TEX48: variants seen among roughly 807,000 people sequenced by gnomAD.
TEX48 encodes the protein testis expressed 48, also known as testis-expressed protein 48.
TEX48 carries 10 observed loss-of-function variants against 13.2 expected under a neutral mutation model. The ratio of observed to expected loss-of-function variants is 0.75; its 90% CI spans 0.47 to 1.28. The LOEUF is 1.28. Ranked by LOEUF, TEX48 falls within the 50% of genes most tolerant of loss-of-function variation. The pLI is 0.00. For missense variants in TEX48, 116 were observed against 139.4 expected, an observed-to-expected ratio of 0.83 and a Z score of 0.84; for synonymous variants, 45 against 52.3, an observed-to-expected ratio of 0.86 and a Z score of 0.60.
Position 114,671,642 on chromosome 9 carries a change from A to G in TEX48, c.4+78T>C, listed in dbSNP as rs572972672. 7.8e-6 allele frequency: 12 copies of G among 1,533,184 alleles called. No homozygotes were observed. The African/African-American group carries it at 1.5e-4, about 19-fold the overall frequency. 95.0% of individuals were successfully genotyped at this position (1,533,184 alleles called of 1,614,324 possible). A position where few individuals can be genotyped will look rare whatever the true frequency, so the allele number is the denominator to read the frequency against. On this transcript the variant is annotated intron_variant, in intron 2 of 4. Transcript: ENST00000436752. The stretch of plus-strand genomic sequence containing the variant: ...AATATAATACTCCTCCCCTCTCCCA[A>G]ATCTTCTGTAGCTTCCCATGGCCAG...
At chr9:114,681,768 C>A (rs1345046836) in intron 1 of TEX48, among the ~76,000 whole-genome samples, 1 of 134,876 alleles carries the variant, frequency 7.4e-6, no homozygotes, top group African/African-American at 2.8e-5. Flanking sequence ...CTAGTGACCC[C>A]ATTGCACTTT....
intron 1 of TEX48, among the ~76,000 whole-genome samples, chr9:114,676,620 C>CT (rs112453573): frequency 0.6 from 86,628 of 143,950 alleles, 25,979 homozygotes; most frequent in Admixed American, 0.67. Context: ...ATTTTATTCA[C>CT]TTTTTTTTTT....
At chr9:114,669,145 A>G (rs1382085962) in intron 3 of TEX48, among the ~76,000 whole-genome samples, 1 of 152,060 alleles carries the variant, frequency 6.6e-6, no homozygotes, top group Non-Finnish European at 1.5e-5. Flanking sequence ...CCAGCCCTGC[A>G]TTTGACTTTA....
chr9:114,666,600 C>G lies in TEX48; in HGVS notation c.*43G>C. The G allele has an allele frequency of 8.5e-7, 1 of 1,175,988 alleles. No individual in the cohort carries two copies. Among genetic ancestry groups the G allele is most frequent in the Non-Finnish European group, 1.2e-6 (1 of 839,122 alleles). The allele number at this position is 1,175,988 out of a possible 1,614,324, so 72.8% of individuals were successfully genotyped here. Reference sequence around the variant, plus strand: ...GACTCCTGTCCACCGCCCTCTTCCTCATGGAGATGCCCCAGCAGCTGTGCA... The same window carrying G: ...GACTCCTGTCCACCGCCCTCTTCCTGATGGAGATGCCCCAGCAGCTGTGCA... On this transcript the variant is annotated 3_prime_UTR_variant, in exon 5 of 5. Coordinates refer to ENST00000436752, the MANE Select transcript of TEX48 (RefSeq NM_001199233.2).
chr9:114,668,237 CT>C lies in TEX48; in HGVS notation c.227del (p.Lys76ArgfsTer13). 6.5e-7 allele frequency: 1 copy of C among 1,535,634 alleles called. No homozygotes were observed. The highest frequency in any genetic ancestry group is 8.7e-7 in the Non-Finnish European group (1 of 1,146,866). On this transcript the variant is annotated frameshift_variant, in exon 4 of 5. Coordinates refer to ENST00000436752, the MANE Select transcript of TEX48 (RefSeq NM_001199233.2). LOFTEE classifies it low-confidence loss of function (END_TRUNC). ...PSRTPLIQTK[K>X]STSSSSSEFE... ...ACTCACTGCTGCTGGAGGAAGTGCT[CT>C]TTTTTGTCTGGATCAGGGGTGTTCT... is the stretch of plus-strand genomic sequence containing the variant.
intron 4 of TEX48, among the ~76,000 whole-genome samples, chr9:114,667,065 C>G (rs1827854771): frequency 6.6e-6 from 1 of 152,174 alleles, no homozygotes; most frequent in Admixed American, 6.5e-5. Flanking sequence ...CGTGGGAAGT[C>G]CCTTTCCCTC....
intron 1 of TEX48, among the ~76,000 whole-genome samples, 161 bp downstream of exon 1, chr9:114,681,874 C>CAG (rs138378785): frequency 2.6e-5 from 4 of 151,578 alleles, no homozygotes; most frequent in Non-Finnish European, 5.9e-5. Flanking sequence ...GACTGGGACC[C>CAG]AGAGAGAGAG....
Position 114,667,605 on chromosome 9 carries a change from T to C in TEX48, c.259+601A>G, listed in dbSNP as rs376508022. On this transcript the variant is annotated intron_variant, in intron 4 of 4. Transcript: ENST00000436752. ...CAAGTAAGCATATGAAAAATACACG[T>C]GTAAGATGATGCCGCCAGGTGCGGT... 6.6e-5 allele frequency among the ~76,000 whole-genome samples: 10 copies of C among 152,222 alleles called. No individual in the cohort carries two copies. The East Asian group carries it at 1.2e-3, about 18-fold the overall frequency.
Position 114,668,315 on chromosome 9 carries a change from C to T in TEX48, c.150G>A (p.Glu50=), listed in dbSNP as rs1452914024. 8 of 1,535,554 alleles carry T rather than the reference C, an allele frequency of 5.2e-6. No individual in the cohort carries two copies. Among genetic ancestry groups the T allele is most frequent in the Non-Finnish European group, 7.0e-6 (8 of 1,146,908 alleles). The change falls in exon 4 of 5, where the codon GAG becomes GAA. Residue 50 remains glutamate, a synonymous_variant. Transcript: ENST00000436752. ...TGCGCTTGGGATTTTGTCTGTCAAG[C>T]TCATCCTTCTGAAGCAGCAAATCTG... The part of the protein sequence containing the change: ...STQNLLLQKD[E]LDRQNPKRIN...
At chr9:114,674,199 C>T (rs1272821962) in intron 1 of TEX48, among the ~76,000 whole-genome samples, 1 of 152,124 alleles carries the variant, frequency 6.6e-6, no homozygotes, top group Non-Finnish European at 1.5e-5. Context: ...TCTTAAGATA[C>T]TCTGTAATCT....
In TEX48 at chr9:114,666,733, A is replaced by C; in HGVS notation, c.273T>G (p.Tyr91Ter). ...SSSEFEDLNA[Y>*]ASQRNFYKRN... The stretch of plus-strand genomic sequence containing the variant: ...TCTTGTAAAAATTTCTTTGGGAAGC[A>C]TATGCATTCAGATCTGAAAGAAGAA... Residue 91 changes from tyrosine to a stop codon, truncating the protein, a stop_gained, in exon 5 of 5, where the codon TAT (tyrosine) becomes TAG (stop). Coordinates refer to ENST00000436752, the MANE Select transcript of TEX48 (RefSeq NM_001199233.2). LOFTEE classifies it high-confidence loss of function. 2 of 1,526,332 alleles carry C rather than the reference A, an allele frequency of 1.3e-6. No individual in the cohort carries two copies. Among genetic ancestry groups the C allele is most frequent in the African/African-American group, 2.7e-5 (2 of 72,920 alleles). The allele number at this position is 1,526,332 out of a possible 1,614,324, so 94.5% of individuals were successfully genotyped here. A position where few individuals can be genotyped will look rare whatever the true frequency, so the allele number is the denominator to read the frequency against.
At chr9:114,679,272 T>C (rs1828139220) in intron 1 of TEX48, among the ~76,000 whole-genome samples, 1 of 149,584 alleles carries the variant, frequency 6.7e-6, no homozygotes, top group South Asian at 2.1e-4. Flanking sequence ...TAACTAGAAA[T>C]CGAGATAATC....
chr9:114,677,458 G>T (rs542698115), intron 1 of TEX48, among the ~76,000 whole-genome samples: 3 of 152,106 alleles, frequency 2.0e-5, no homozygotes, highest in African/African-American at 7.2e-5. Flanking sequence ...CCATTAATCT[G>T]CTTCGTATTC....
intron 3 of TEX48, among the ~76,000 whole-genome samples, chr9:114,669,272 ATTATTTAT>A (rs546006912): frequency 1.3e-5 from 2 of 151,908 alleles, no homozygotes; most frequent in African/African-American, 4.8e-5. Context: ...CCAATGTTGT[ATTATTTAT>A]TTATTTATTT....
chr9:114,681,453 T>G (rs1828200163), intron 1 of TEX48, among the ~76,000 whole-genome samples: 1 of 152,170 alleles, frequency 6.6e-6, no homozygotes, highest in Non-Finnish European at 1.5e-5. Flanking sequence ...GCTAGGAAAT[T>G]TAGAATTTAT....
chr9:114,672,675 T>G (rs1260162791), intron 1 of TEX48, among the ~76,000 whole-genome samples: 1 of 152,206 alleles, frequency 6.6e-6, no homozygotes, highest in African/African-American at 2.4e-5. Context: ...CTTATTTCTC[T>G]TACCCTGAAC....
chr9:114,675,202 G>A (rs1048297369), intron 1 of TEX48, among the ~76,000 whole-genome samples: 2 of 152,180 alleles, frequency 1.3e-5, no homozygotes, highest in African/African-American at 4.8e-5. Context: ...TTGAGTAAAA[G>A]CACTTGCAGG....
Position 114,667,940 on chromosome 9 carries a change from A to G in TEX48, c.259+266T>C, listed in dbSNP as rs939827072. On this transcript the variant is annotated intron_variant, in intron 4 of 4. Coordinates refer to ENST00000436752, the MANE Select transcript of TEX48 (RefSeq NM_001199233.2). ...AAAAAAAAAAAAAGATGATGCCACA[A>G]AGCTTTGAAAGGAAAGCATGGATGT... Among the ~76,000 whole-genome samples the G allele has an allele frequency of 4.1e-4, 62 of 149,708 alleles. 1 individual carries two copies. The highest frequency in any genetic ancestry group is 7.1e-4 in the Non-Finnish European group (48 of 67,520).
intron 1 of TEX48, among the ~76,000 whole-genome samples, chr9:114,680,878 A>G (rs1041181654): frequency 6.6e-6 from 1 of 152,202 alleles, no homozygotes; most frequent in African/African-American, 2.4e-5. Context: ...AAGGTCTACC[A>G]TTCCTAAACA....
Sources: allele counts gnomAD v4.1 joint callset (sites outside exome capture counted in the v4.1 genomes callset), GRCh38; gene constraint gnomAD v4.1.1; transcripts MANE v1.5; gene names NCBI Gene and HGNC (gene_info 2026-07-23, HGNC 2026-07-21).